The following HEATR5A variants were observed in gnomAD, a reference collection of about 807,000 sequenced individuals.
The protein encoded by HEATR5A is HEAT repeat containing 5A.
In HEATR5A, 178 loss-of-function variants were observed where a neutral mutation model predicts 218.8. The observed-to-expected ratio is 0.81, with a 90% CI of 0.72 to 0.92. HEATR5A has a LOEUF of 0.92. Ranked by LOEUF, HEATR5A falls within the 40% of genes least tolerant of loss-of-function variation. The pLI is 0.00. For synonymous variants in HEATR5A, 864 were observed against 871.6 expected, an observed-to-expected ratio of 0.99 and a Z score of 0.15; for missense variants, 2,420 against 2,418.9, an observed-to-expected ratio of 1.00 and a Z score of -0.01.
Position 31,309,121 on chromosome 14 carries a change from C to T in HEATR5A, c.4503G>A (p.Trp1501Ter). 6.2e-7 allele frequency: 1 copy of T among 1,613,844 alleles called. No homozygotes were observed. The highest frequency in any genetic ancestry group is 8.5e-7 in the Non-Finnish European group (1 of 1,179,864). The part of the protein sequence containing the change: ...ENAKLHYYNS[W>*]ALILHATALW... Reference sequence around the variant, plus strand: ...ATGCTGTAGCATGGAGGATAAGTGCCCAGGAGTTGTAATAATGCAATTTTG... The same window carrying T: ...ATGCTGTAGCATGGAGGATAAGTGCTCAGGAGTTGTAATAATGCAATTTTG... Residue 1501 changes from tryptophan to a stop codon, truncating the protein, a stop_gained, in exon 29 of 36, where the codon TGG (tryptophan) becomes TGA (stop). Coordinates refer to ENST00000543095, the MANE Select transcript of HEATR5A (RefSeq NM_015473.4). LOFTEE classifies it high-confidence loss of function.
At chr14:31,384,206 G>C (rs1219097772) in intron 9 of HEATR5A, among the ~76,000 whole-genome samples, 2 of 152,068 alleles carry the variant, frequency 1.3e-5, no homozygotes, top group Non-Finnish European at 2.9e-5. Flanking sequence ...ACTTTGGGAG[G>C]CCAAGGCAGG....
intron 1 of HEATR5A, among the ~76,000 whole-genome samples, chr14:31,417,612 T>C (rs1224582252): frequency 1.3e-5 from 2 of 151,442 alleles, no homozygotes; most frequent in Non-Finnish European, 2.9e-5. Flanking sequence ...TAGATGGGCG[T>C]GGTGGCACGC....
chr14:31,321,788 C>T, intron 24 of HEATR5A, 108 bp from the exon 25 acceptor site: 3 of 791,632 alleles, frequency 3.8e-6, no homozygotes, highest in Non-Finnish European at 5.9e-6. Flanking sequence ...CTTTAAGTAC[C>T]TCTGACTTGA....
intron 10 of HEATR5A, among the ~76,000 whole-genome samples, chr14:31,382,295 T>C (rs191879139): frequency 6.6e-6 from 1 of 152,346 alleles, no homozygotes; most frequent in East Asian, 1.9e-4. Context: ...ACCTACCTTA[T>C]TTCAGTGGCA....
rs1159206101 is a variant in HEATR5A, at chr14:31,398,664, A to G, written c.447+9T>C. 3 of 1,393,266 alleles carry G rather than the reference A, an allele frequency of 2.2e-6. No homozygotes were observed. In the East Asian group the frequency reaches 7.5e-5, roughly 35 times the overall value. 86.3% of individuals were successfully genotyped at this position (1,393,266 alleles called of 1,614,324 possible). A position where few individuals can be genotyped will look rare whatever the true frequency, so the allele number is the denominator to read the frequency against. ...TTTTCATTCTTTGGCTGAACTTGTA[A>G]TTACTTACCTCTGCACTCTTCATAG... is the stretch of plus-strand genomic sequence containing the variant. On this transcript the variant is annotated intron_variant, in intron 4 of 35. Transcript: ENST00000543095.
At chr14:31,326,403 C>T in intron 22 of HEATR5A, 61 bp from the exon 23 acceptor site, 7 of 1,169,470 alleles carry the variant, frequency 6.0e-6, no homozygotes, top group Non-Finnish European at 8.7e-6. Context: ...ATATCAGAAG[C>T]TCACACATTC....
At chr14:31,338,406 T>C (rs1900735492) in intron 21 of HEATR5A, among the ~76,000 whole-genome samples, 1 of 152,064 alleles carries the variant, frequency 6.6e-6, no homozygotes, top group Non-Finnish European at 1.5e-5. Context: ...ATTTTATATA[T>C]ATATACATAT....
At chr14:31,294,533 C>G (rs1222890408) in intron 34 of HEATR5A, among the ~76,000 whole-genome samples, 1 of 151,630 alleles carries the variant, frequency 6.6e-6, no homozygotes, top group Non-Finnish European at 1.5e-5. Context: ...TTTCAACCTC[C>G]CGAGTCGCTG....
intron 33 of HEATR5A, among the ~76,000 whole-genome samples, chr14:31,299,312 C>T (rs754033933): frequency 6.6e-6 from 1 of 152,142 alleles, no homozygotes; most frequent in Non-Finnish European, 1.5e-5. Flanking sequence ...CATTTTAATC[C>T]TTTTTGTCCA....
chr14:31,331,274 G>A (rs1900460502), intron 22 of HEATR5A, among the ~76,000 whole-genome samples: 2 of 152,028 alleles, frequency 1.3e-5, no homozygotes, highest in Non-Finnish European at 1.5e-5. Flanking sequence ...TCCAATTTCA[G>A]ATAATCTCTC....
At chr14:31,384,528 CTTT>C (rs202158979) in intron 9 of HEATR5A, among the ~76,000 whole-genome samples, 5 of 136,820 alleles carry the variant, frequency 3.7e-5, no homozygotes, top group Admixed American at 1.5e-4. Flanking sequence ...AATTCATATA[CTTT>C]TTTTTTTTTT....
chr14:31,396,330 T>A (rs1234179196), intron 4 of HEATR5A, among the ~76,000 whole-genome samples: 1 of 151,746 alleles, frequency 6.6e-6, no homozygotes, highest in Non-Finnish European at 1.5e-5. Context: ...GGCTTGAGCC[T>A]GGCAAGCAGA....
At chr14:31,389,048 A>C (rs781754426) in intron 6 of HEATR5A, 43 bp from the exon 7 acceptor site, 1 of 1,494,638 alleles carries the variant, frequency 6.7e-7, no homozygotes, top group Non-Finnish European at 9.1e-7. Flanking sequence ...TTACAGACTA[A>C]ATTTTAATGT....
intron 32 of HEATR5A, among the ~76,000 whole-genome samples, chr14:31,304,411 T>C (rs535652060): frequency 9.9e-5 from 15 of 152,182 alleles, no homozygotes; most frequent in Non-Finnish European, 1.5e-4. Context: ...GCTATCTCTA[T>C]ATTTTCACTC....
In HEATR5A at chr14:31,383,767, G is replaced by A; in HGVS notation, c.1350C>T (p.Leu450=). The change falls in exon 10 of 36, where the codon CTC becomes CTT. Residue 450 remains leucine, a synonymous_variant. Coordinates refer to ENST00000543095, the MANE Select transcript of HEATR5A (RefSeq NM_015473.4). ...GAATAACTGACAAGATACTGTCAAGGAGACCTGGAAGGATAAACAAATGAT... is the reference window on the plus strand; with the variant it reads ...GAATAACTGACAAGATACTGTCAAGAAGACCTGGAAGGATAAACAAATGAT... ...APLLQDSSTG[L]LDSILSVILH... is the part of the protein sequence containing the mutation. The A allele has an allele frequency of 1.2e-6, 2 of 1,612,492 alleles. No individual in the cohort carries two copies. Among genetic ancestry groups the A allele is most frequent in the Non-Finnish European group, 1.7e-6 (2 of 1,179,328 alleles).
chr14:31,301,160 A>T (rs78975520), intron 33 of HEATR5A, among the ~76,000 whole-genome samples: 3,017 of 152,330 alleles, frequency 0.02, 88 homozygotes, highest in African/African-American at 0.069. Flanking sequence ...GGCAGGGAAA[A>T]TGCATACTGT....
chr14:31,419,050 CAAT>C (rs1180418508), intron 1 of HEATR5A, among the ~76,000 whole-genome samples: 1 of 151,968 alleles, frequency 6.6e-6, no homozygotes, highest in Non-Finnish European at 1.5e-5. Flanking sequence ...AAGTCAGATA[CAAT>C]AATGAATAAT....
chr14:31,352,013 A>G (rs1183629735), intron 16 of HEATR5A, among the ~76,000 whole-genome samples: 1 of 152,108 alleles, frequency 6.6e-6, no homozygotes, highest in East Asian at 1.9e-4. Flanking sequence ...AAATGTTCGA[A>G]TTTTCACAAT....
At chr14:31,320,934 T>C (rs1900079164) in intron 25 of HEATR5A, among the ~76,000 whole-genome samples, 1 of 152,162 alleles carries the variant, frequency 6.6e-6, no homozygotes, top group Non-Finnish European at 1.5e-5. Context: ...TATAAAATAT[T>C]AGCTGAAAGA....
Sources: gnomAD v4.1 joint callset for allele counts (sites outside exome capture counted in the v4.1 genomes callset) on GRCh38, gnomAD v4.1.1 for gene constraint, MANE v1.5 for transcripts, NCBI Gene and HGNC (gene_info 2026-07-23, HGNC 2026-07-21) for gene names.